CHCHD3: variants seen among roughly 807,000 people sequenced by gnomAD.
CHCHD3 encodes MICOS complex subunit MIC19.
Under a neutral mutation model 38.2 loss-of-function variants are expected in CHCHD3, and 20 were observed. That is an observed-to-expected ratio of 0.52 (90% confidence interval 0.37 to 0.76). The LOEUF is 0.76. Among genes scored for constraint, CHCHD3 ranks in the 30% least tolerant of loss-of-function variants. CHCHD3 has a pLI of 0.00. For missense variants in CHCHD3, 245 were observed against 279.2 expected, an observed-to-expected ratio of 0.88 and a Z score of 0.87; for synonymous variants, 82 against 100.0, an observed-to-expected ratio of 0.82 and a Z score of 1.07.
Position 132,789,770 on chromosome 7 carries a change from C to T in CHCHD3, c.661-4110G>A, listed in dbSNP as rs115746629. 2.7e-3 allele frequency among the ~76,000 whole-genome samples: 415 copies of T among 152,138 alleles called. 3 individuals carry two copies. Among genetic ancestry groups the T allele is most frequent in the African/African-American group, 9.0e-3 (373 of 41,498 alleles). ...CTTGTCTCTGGATGAACTTACCCAGCGCCTCACCAAGACTTCAGGCCTCAT... is the reference window on the plus strand; with the variant it reads ...CTTGTCTCTGGATGAACTTACCCAGTGCCTCACCAAGACTTCAGGCCTCAT... On this transcript the variant is annotated intron_variant, in intron 7 of 7. Transcript: ENST00000262570.
At chr7:133,013,063 G>A (rs1274461673) in intron 3 of CHCHD3, among the ~76,000 whole-genome samples, 1 of 151,558 alleles carries the variant, frequency 6.6e-6, no homozygotes, top group Non-Finnish European at 1.5e-5. Context: ...TCGGGTGCCT[G>A]TAATCTCAGC....
chr7:133,048,173 T>A (rs949275262), intron 2 of CHCHD3, among the ~76,000 whole-genome samples: 5 of 152,038 alleles, frequency 3.3e-5, no homozygotes, highest in Middle Eastern at 3.4e-3. Context: ...TCAGACAGAA[T>A]CACTTACTTC....
At chr7:132,886,020 T>C (rs1383251320) in intron 4 of CHCHD3, among the ~76,000 whole-genome samples, 2 of 152,194 alleles carry the variant, frequency 1.3e-5, no homozygotes, top group Non-Finnish European at 2.9e-5. Flanking sequence ...CAGACTCTTA[T>C]TTAACTTCCC....
chr7:132,801,111 T>C (rs954381916), intron 6 of CHCHD3, among the ~76,000 whole-genome samples: 2 of 152,218 alleles, frequency 1.3e-5, no homozygotes, highest in East Asian at 3.8e-4. Flanking sequence ...ACATTGCCAA[T>C]ATTTAAAAAT....
intron 2 of CHCHD3, among the ~76,000 whole-genome samples, chr7:133,032,336 C>A (rs980540327): frequency 6.6e-6 from 1 of 152,088 alleles, no homozygotes; most frequent in Non-Finnish European, 1.5e-5. Flanking sequence ...TGGCTACTTA[C>A]GCATTAAAGT....
intron 4 of CHCHD3, among the ~76,000 whole-genome samples, chr7:132,891,947 T>C (rs973722257): frequency 6.6e-6 from 1 of 152,240 alleles, no homozygotes; most frequent in Non-Finnish European, 1.5e-5. Flanking sequence ...GTAAGTTTCC[T>C]GAGGCCTTCC....
intron 4 of CHCHD3, among the ~76,000 whole-genome samples, chr7:132,953,827 G>A (rs755110890): frequency 1.4e-4 from 22 of 152,102 alleles, no homozygotes; most frequent in Admixed American, 7.9e-4. Context: ...GTGACCATAC[G>A]TCTTGGTTTG....
chr7:132,806,066 G>A (rs528716134), intron 6 of CHCHD3, among the ~76,000 whole-genome samples: 1 of 152,250 alleles, frequency 6.6e-6, no homozygotes, highest in East Asian at 1.9e-4. Context: ...CAGAAGCTTG[G>A]GGAACAGTCC....
intron 5 of CHCHD3, among the ~76,000 whole-genome samples, chr7:132,875,799 C>T (rs1808882328): frequency 6.6e-6 from 1 of 152,202 alleles, no homozygotes; most frequent in Non-Finnish European, 1.5e-5. Flanking sequence ...AAGTTAAAAT[C>T]CTATCTTAGT....
At chr7:132,820,703 T>C (rs1020781905) in intron 6 of CHCHD3, among the ~76,000 whole-genome samples, 6 of 149,116 alleles carry the variant, frequency 4.0e-5, no homozygotes, top group African/African-American at 1.5e-4. Flanking sequence ...GGGACTAATC[T>C]AGACACTTAG....
intron 3 of CHCHD3, among the ~76,000 whole-genome samples, chr7:133,001,616 A>G (rs767371238): frequency 2.0e-5 from 3 of 152,224 alleles, no homozygotes; most frequent in Non-Finnish European, 4.4e-5. Flanking sequence ...AGCTTTCCAG[A>G]AAGGAGCAAT....
intron 2 of CHCHD3, among the ~76,000 whole-genome samples, chr7:133,068,793 T>C (rs1015220864): frequency 2.6e-5 from 4 of 152,088 alleles, no homozygotes; most frequent in South Asian, 2.1e-4. Flanking sequence ...GAATCCCCAA[T>C]TGGGGACCTG....
At chr7:132,954,784 G>T (rs1458866832) in intron 4 of CHCHD3, among the ~76,000 whole-genome samples, 1 of 152,058 alleles carries the variant, frequency 6.6e-6, no homozygotes, top group African/African-American at 2.4e-5. Flanking sequence ...GTATGCACTC[G>T]ACGTCCCTCG....
chr7:132,893,536 T>G (rs890834108), intron 4 of CHCHD3, among the ~76,000 whole-genome samples: 10 of 152,306 alleles, frequency 6.6e-5, no homozygotes, highest in Admixed American at 3.3e-4. Flanking sequence ...CTGATTAATT[T>G]TGAAATGTAA....
At chr7:132,912,012 G>A (rs1224579783) in intron 4 of CHCHD3, among the ~76,000 whole-genome samples, 1 of 152,096 alleles carries the variant, frequency 6.6e-6, no homozygotes, top group Admixed American at 6.5e-5. Context: ...CAACAAACGT[G>A]AATTACATCG....
intron 4 of CHCHD3, among the ~76,000 whole-genome samples, chr7:132,917,274 CT>C (rs1352108804): frequency 1.3e-5 from 2 of 150,362 alleles, no homozygotes; most frequent in African/African-American, 4.9e-5. Flanking sequence ...TAAATCCCCC[CT>C]GCTGAAATTG....
chr7:133,079,627 AAAG>A (rs1385106061), intron 1 of CHCHD3, among the ~76,000 whole-genome samples: 2 of 152,250 alleles, frequency 1.3e-5, no homozygotes, highest in African/African-American at 4.8e-5. Flanking sequence ...TAAGGAAATA[AAAG>A]AAGTCAATTG....
At chr7:133,032,361 G>A (rs1383004857) in intron 2 of CHCHD3, among the ~76,000 whole-genome samples, 1 of 152,170 alleles carries the variant, frequency 6.6e-6, no homozygotes, top group Non-Finnish European at 1.5e-5. Context: ...GAAGATGGTA[G>A]AATGAAAGTT....
chr7:133,040,993 G>A (rs1452659336), intron 2 of CHCHD3, among the ~76,000 whole-genome samples: 1 of 152,194 alleles, frequency 6.6e-6, no homozygotes. Flanking sequence ...CACCTCGAGT[G>A]TCCCTGCTGG....
Sources: allele counts gnomAD v4.1 joint callset (sites outside exome capture counted in the v4.1 genomes callset), GRCh38; gene constraint gnomAD v4.1.1; transcripts MANE v1.5; gene names NCBI Gene and HGNC (gene_info 2026-07-23, HGNC 2026-07-21).